RIF1: variants seen among roughly 807,000 people sequenced by gnomAD.
RIF1 encodes the protein replication timing regulatory factor 1.
A neutral mutation model predicts 247.1 loss-of-function variants in RIF1; 45 were observed. That is an observed-to-expected ratio of 0.18 (90% CI 0.14 to 0.23). The LOEUF (loss-of-function observed/expected upper bound fraction) is 0.23, where lower values mean the gene tolerates loss of function less well. RIF1 is among the 10% of genes least tolerant of loss of function. The pLI is 1.00. For synonymous variants in RIF1, 1,087 were observed against 978.8 expected (o/e 1.11, Z -2.06); for missense variants, 2,967 against 2,862.5 (o/e 1.04, Z -0.83).
At chr2:151,458,601 T>TA (rs1373553093) in intron 24 of RIF1, among the ~76,000 whole-genome samples, 1 of 152,148 alleles carries the variant, frequency 6.6e-6, no homozygotes, top group African/African-American at 2.4e-5. Flanking sequence ...TTTTCCATGA[T>TA]AAAAATTTGG....
rs1177278436 is a variant in RIF1, at chr2:151,493,451, G to GA, written c.*416-1776dup. 4 of 1,557,796 alleles carry GA rather than the reference G, an allele frequency of 2.6e-6. No individual in the cohort carries two copies. The Admixed American group carries it at 5.8e-5, about 23-fold the overall frequency. ...ATGTTCTCTTTGTACAATACCTAGG[G>GA]AAGCCAAAAGAGCATCTAGGCATCA... On this transcript the variant is annotated intron_variant and NMD_transcript_variant, in intron 9 of 13. Transcript: ENST00000454583.
At chr2:151,493,767 T>C (rs2058314411) in intron 9 of RIF1, 1 of 1,536,868 alleles carries the variant, frequency 6.5e-7, no homozygotes, top group East Asian at 2.3e-5. Context: ...TTTTCCTTTC[T>C]AAAATACCGA....
chr2:151,450,634 C>G (rs527784516), intron 20 of RIF1, among the ~76,000 whole-genome samples: 2 of 151,932 alleles, frequency 1.3e-5, no homozygotes, highest in East Asian at 3.9e-4. Flanking sequence ...CGCAGGCTGG[C>G]GTGCAATGGT....
chr2:151,464,904 A>C lies in RIF1; in HGVS notation c.5384A>C (p.Asn1795Thr). ...GQFLDEHHSV[N>T]FHLGLKEDND... is the part of the protein sequence containing the mutation. ...TTTTTAGATGAACATCATAGTGTGA[A>C]TTTTCATTTGGGTCTCAAAGAGGAT... Residue 1795 changes from asparagine (N) to threonine (T), a missense_variant, in exon 30 of 36, where the codon AAT becomes ACT. Asn to Thr is a moderately conservative substitution (Grantham distance 65). This residue lies in a region of RIF1 where 2,028 missense variants were observed against 1,825.6 expected (regional missense o/e 1.11). Coordinates refer to ENST00000444746, the MANE Select transcript of RIF1 (RefSeq NM_018151.5). The C allele has an allele frequency of 6.3e-7, 1 of 1,580,460 alleles. No individual in the cohort carries two copies.
intron 4 of RIF1, 125 bp downstream of exon 4, chr2:151,415,044 T>A: frequency 1.6e-6 from 1 of 641,940 alleles, no homozygotes; most frequent in South Asian, 2.1e-5. Flanking sequence ...AGTTTAAGGT[T>A]TGCTTTTAAG....
Position 151,491,520 on chromosome 2 carries a change from G to C in RIF1, c.*416-3709G>C, listed in dbSNP as rs1392879219. Reference sequence around the variant, plus strand: ...TTTCTAACTTGAACTTATCTAGAAAGTAAGTTTTGCTCACTAGTTAACAAG... The same window carrying C: ...TTTCTAACTTGAACTTATCTAGAAACTAAGTTTTGCTCACTAGTTAACAAG... On this transcript the variant is annotated intron_variant and NMD_transcript_variant, in intron 9 of 13. Transcript: ENST00000454583. The C allele has an allele frequency of 5.6e-5, 33 of 586,920 alleles. No individual in the cohort carries two copies. In the East Asian group the frequency reaches 9.8e-4, roughly 17 times the overall value. 36.4% of individuals were successfully genotyped at this position (586,920 alleles called of 1,614,324 possible).
the RIF1 span, chr2:151,524,206 C>G: frequency 2.1e-6 from 2 of 951,758 alleles, no homozygotes; most frequent in African/African-American, 1.6e-5. Flanking sequence ...AGTACTATTA[C>G]AGACCCAGCA....
chr2:151,431,474 A>C (rs1286084242), intron 9 of RIF1, among the ~76,000 whole-genome samples: 2 of 152,174 alleles, frequency 1.3e-5, no homozygotes, highest in African/African-American at 4.8e-5. Flanking sequence ...GCTACTGTAG[A>C]GATATTATTA....
At position 151,467,989 on chromosome 2, in the gene RIF1, T is replaced by G. The variant is rs1272770526; in HGVS notation, c.6601-11T>G. On this transcript the variant is annotated splice_polypyrimidine_tract_variant and intron_variant, in intron 30 of 35. Coordinates refer to ENST00000444746, the MANE Select transcript of RIF1 (RefSeq NM_018151.5). The stretch of plus-strand genomic sequence containing the variant: ...AATTTTGTTAAGTAAAATCCTGACC[T>G]GTGTTTTCAGGTTCGCCGTGTCTCC... The G allele has an allele frequency of 6.3e-7, 1 of 1,592,734 alleles. No individual in the cohort carries two copies. The highest frequency in any genetic ancestry group is 8.5e-7 in the Non-Finnish European group (1 of 1,173,036).
the RIF1 span, chr2:151,526,878 T>C: frequency 4.5e-5 from 62 of 1,371,278 alleles, no homozygotes; most frequent in Non-Finnish European, 6.3e-5. Context: ...AAGATGGCCC[T>C]GAGTGAGGTT....
At chr2:151,494,332 C>T (rs2058672546) in intron 9 of RIF1, 1 of 970,762 alleles carries the variant, frequency 1.0e-6, no homozygotes, top group Non-Finnish European at 1.6e-6. Context: ...GTACAGATAA[C>T]TTTTGATTAT....
At chr2:151,439,310 T>G (rs569015471) in intron 14 of RIF1, among the ~76,000 whole-genome samples, 4 of 152,194 alleles carry the variant, frequency 2.6e-5, no homozygotes, top group Non-Finnish European at 5.9e-5. Flanking sequence ...TATTGTTGAT[T>G]TAGAAAAAAT....
intron 3 of RIF1, among the ~76,000 whole-genome samples, chr2:151,412,660 T>G (rs1448207829): frequency 6.6e-6 from 1 of 152,092 alleles, no homozygotes; most frequent in Non-Finnish European, 1.5e-5. Flanking sequence ...AGCTAATATT[T>G]TTAGTAGAGA....
chr2:151,485,598 T>TA (rs2049689747), downstream of RIF1: 8 of 588,926 alleles, frequency 1.4e-5, no homozygotes, highest in East Asian at 2.2e-4. Context: ...TTCTGCAACT[T>TA]ATTTTAAAAC....
rs1268292197 is a variant in RIF1, at chr2:151,458,928, A to G, written c.2955+18A>G. On this transcript the variant is annotated intron_variant, in intron 25 of 35. Transcript: ENST00000444746. ...CTGATGGAGTAAGTTGGGGGGTTTT[A>G]TTGTTCATTTGTTTTTGGACATTTA... 1.4e-6 allele frequency: 2 copies of G among 1,428,422 alleles called. No individual in the cohort carries two copies. Among genetic ancestry groups the G allele is most frequent in the African/African-American group, 2.9e-5 (2 of 70,036 alleles). 88.5% of individuals were successfully genotyped at this position (1,428,422 alleles called of 1,614,324 possible).
At chr2:151,526,806 G>T in the RIF1 span, 1 of 806,096 alleles carries the variant, frequency 1.2e-6, no homozygotes. Flanking sequence ...ACCCATACCT[G>T]AGCCCTGATG....
downstream of RIF1, among the ~76,000 whole-genome samples, chr2:151,512,415 G>C (rs549447969): frequency 6.6e-6 from 1 of 151,656 alleles, no homozygotes; most frequent in Admixed American, 6.6e-5. Flanking sequence ...AGCCTCAACC[G>C]CCTGGGCTCA....
At chr2:151,508,056 CA>C, downstream of RIF1, 1 of 1,611,184 alleles carries the variant, frequency 6.2e-7, no homozygotes, top group Non-Finnish European at 8.5e-7. Flanking sequence ...CTGGGGTGTC[CA>C]AAACAGTCTC....
At chr2:151,528,202 G>A in the RIF1 span, among the ~76,000 whole-genome samples, 1 of 152,138 alleles carries the variant, frequency 6.6e-6, no homozygotes, top group African/African-American at 2.4e-5. Context: ...TGGAGAACTG[G>A]CTGCATTGGG....
Sources: allele counts gnomAD v4.1 joint callset (sites outside exome capture counted in the v4.1 genomes callset), GRCh38; gene constraint gnomAD v4.1.1; regional missense constraint gnomAD v4.1.1; transcripts MANE v1.5; gene names NCBI Gene and HGNC (gene_info 2026-07-23, HGNC 2026-07-21).